Variants in STOX2 observed in about 807,000 individuals in gnomAD.
STOX2 encodes the protein storkhead-box protein 2.
Under a neutral mutation model 60.9 loss-of-function variants are expected in STOX2, and 28 were observed. The observed-to-expected ratio is 0.46, with a 90% CI of 0.34 to 0.63. The LOEUF (loss-of-function observed/expected upper bound fraction) is 0.63, where lower values mean the gene tolerates loss of function less well. Ranked by LOEUF, STOX2 falls within the 30% of genes least tolerant of loss-of-function variation. The pLI is 0.01. For synonymous variants in STOX2, 472 were observed against 463.9 expected, an observed-to-expected ratio of 1.02 and a Z score of -0.22; for missense variants, 1,024 against 1,187.7, an observed-to-expected ratio of 0.86 and a Z score of 2.03.
intron 1 of STOX2, among the ~76,000 whole-genome samples, chr4:183,887,430 A>G (rs983406020): frequency 1.3e-5 from 2 of 152,220 alleles, no homozygotes; most frequent in Non-Finnish European, 2.9e-5. Context: ...TTCCTTAGAA[A>G]GGAAACTCTT....
intron 1 of STOX2, among the ~76,000 whole-genome samples, chr4:183,989,497 C>T (rs902514206): frequency 6.6e-4 from 101 of 152,212 alleles, no homozygotes; most frequent in African/African-American, 1.7e-3. Context: ...CCACTGTGCC[C>T]GGCCTCGACA....
intron 1 of STOX2, among the ~76,000 whole-genome samples, chr4:183,878,537 A>G (rs983216305): frequency 2.0e-5 from 3 of 152,270 alleles, no homozygotes; most frequent in Admixed American, 6.5e-5. Flanking sequence ...ATTACAGACA[A>G]TAGCAAATTG....
intron 1 of STOX2, among the ~76,000 whole-genome samples, chr4:183,805,922 G>T (rs924257284): frequency 7.2e-5 from 11 of 152,216 alleles, no homozygotes; most frequent in Non-Finnish European, 1.3e-4. Flanking sequence ...AGTCAGGCTG[G>T]ACACTACCAA....
chr4:183,983,419 C>T (rs895260548), intron 1 of STOX2, among the ~76,000 whole-genome samples: 1 of 152,214 alleles, frequency 6.6e-6, no homozygotes, highest in Admixed American at 6.5e-5. Context: ...TAGGATCTCA[C>T]GTGCTGTGTT....
At chr4:183,951,041 C>A (rs1366004850) in intron 1 of STOX2, among the ~76,000 whole-genome samples, 1 of 151,836 alleles carries the variant, frequency 6.6e-6, no homozygotes, top group African/African-American at 2.4e-5. Flanking sequence ...CGGTGAAACC[C>A]CGTCTCTACT....
chr4:184,008,931 C>T (rs1218209384), intron 2 of STOX2, among the ~76,000 whole-genome samples: 1 of 152,198 alleles, frequency 6.6e-6, no homozygotes, highest in Non-Finnish European at 1.5e-5. Flanking sequence ...TAACTTCCAT[C>T]TCTGTCTTCC....
intron 1 of STOX2, among the ~76,000 whole-genome samples, chr4:183,851,924 A>G (rs201815976): frequency 9.3e-3 from 221 of 23,842 alleles, no homozygotes; most frequent in East Asian, 0.017. Context: ...AAAGGATGAG[A>G]GAAAGGATGA....
intron 1 of STOX2, among the ~76,000 whole-genome samples, chr4:183,922,914 T>A (rs984873102): frequency 1.3e-5 from 2 of 152,222 alleles, no homozygotes; most frequent in Non-Finnish European, 2.9e-5. Flanking sequence ...TTTATTTCAC[T>A]TAGCATATCA....
chr4:183,944,096 G>T (rs1017367608), intron 1 of STOX2, among the ~76,000 whole-genome samples: 7 of 152,220 alleles, frequency 4.6e-5, no homozygotes, highest in Admixed American at 4.6e-4. Context: ...TGTAGATAGA[G>T]AGAAGAGAAC....
In STOX2 at chr4:184,011,259, G is replaced by A; in HGVS notation, c.2421G>A (p.Glu807=). Residue 807 remains glutamate, a synonymous_variant, in exon 3 of 4, where the codon GAG becomes GAA. Transcript: ENST00000308497. This position sits in a 1 kb window ranked among gnomAD's most constrained non-coding sequence, Gnocchi z 4.4. Reference sequence around the variant, plus strand: ...TAGGCACCATGCAGTGGCTCCTCGAGCGGGAGAAGGAAAGAGACTTGCAGA... The same window carrying A: ...TAGGCACCATGCAGTGGCTCCTCGAACGGGAGAAGGAAAGAGACTTGCAGA... ...EDVGTMQWLL[E]REKERDLQRK... The A allele has an allele frequency of 1.2e-6, 2 of 1,613,734 alleles. No homozygotes were observed. Among genetic ancestry groups the A allele is most frequent in the Non-Finnish European group, 1.7e-6 (2 of 1,179,754 alleles).
chr4:183,858,597 A>AGAAGGAAG (rs146831784), intron 1 of STOX2, among the ~76,000 whole-genome samples: 41 of 152,086 alleles, frequency 2.7e-4, no homozygotes, highest in African/African-American at 8.2e-4. Context: ...AAAAAGAGAA[A>AGAAGGAAG]GAAGGAAGGA....
At chr4:183,927,538 T>C (rs7696821) in intron 1 of STOX2, among the ~76,000 whole-genome samples, 26,958 of 151,848 alleles carry the variant, frequency 0.18, 3,159 homozygotes, top group African/African-American at 0.34. Context: ...AAAGACTTAA[T>C]TGCCGGTAAT....
chr4:183,809,367 C>A (rs984558926), intron 1 of STOX2, among the ~76,000 whole-genome samples: 1 of 151,724 alleles, frequency 6.6e-6, no homozygotes, highest in Non-Finnish European at 1.5e-5. Context: ...GGATTACAGG[C>A]GTGAGCCACT....
chr4:183,951,162 C>T (rs1261899315), intron 1 of STOX2, among the ~76,000 whole-genome samples: 5 of 150,732 alleles, frequency 3.3e-5, no homozygotes, highest in Middle Eastern at 3.4e-3. Flanking sequence ...TTGCAGTGAG[C>T]CGAGATCGCG....
chr4:183,804,369 C>T (rs1738836464), intron 1 of STOX2, among the ~76,000 whole-genome samples: 1 of 152,166 alleles, frequency 6.6e-6, no homozygotes, highest in Non-Finnish European at 1.5e-5. Context: ...CACCAACCAG[C>T]AATGACAGAG....
chr4:183,956,362 TTCTA>T (rs57987067), intron 1 of STOX2, among the ~76,000 whole-genome samples: 45,269 of 149,002 alleles, frequency 0.3, 7,097 homozygotes, highest in East Asian at 0.37. Context: ...GCTGCATTTG[TTCTA>T]TCTATCTATC....
At chr4:183,819,272 C>T (rs562321012) in intron 1 of STOX2, among the ~76,000 whole-genome samples, 18 of 152,178 alleles carry the variant, frequency 1.2e-4, no homozygotes, top group Admixed American at 4.6e-4. Flanking sequence ...ACTGAGTGAA[C>T]GAGACTCCAT....
chr4:183,903,850 G>T (rs973556186), upstream of STOX2, among the ~76,000 whole-genome samples: 4 of 152,186 alleles, frequency 2.6e-5, no homozygotes. Context: ...CTGGGGTGGG[G>T]GTAGGGTTGG....
Position 184,001,415 on chromosome 4 carries a change from A to T in STOX2, c.257A>T (p.Asn86Ile), listed in dbSNP as rs1465845063. 6.2e-7 allele frequency: 1 copy of T among 1,613,810 alleles called. No individual in the cohort carries two copies. Among genetic ancestry groups the T allele is most frequent in the Non-Finnish European group, 8.5e-7 (1 of 1,179,870 alleles). ...CTCTGCTTGGCCATCTCAGCAATGA[A>T]CTCGGCAAGAAAGCCTGTCACCCAA... ...EILCLAISAM[N>I]SARKPVTQEA... The change falls in exon 2 of 4, where the codon AAC becomes ATC. Residue 86 changes from asparagine to isoleucine, a missense_variant. Physicochemically the swap from Asn to Ile is moderately radical, Grantham distance 149. Coordinates refer to ENST00000308497, the MANE Select transcript of STOX2 (RefSeq NM_020225.3). This position sits in a 1 kb window ranked among gnomAD's most constrained non-coding sequence, Gnocchi z 4.2.
Sources: allele counts gnomAD v4.1 joint callset (sites outside exome capture counted in the v4.1 genomes callset), GRCh38; gene constraint gnomAD v4.1.1; non-coding constraint Gnocchi (gnomAD v3.1); transcripts MANE v1.5; gene names NCBI Gene and HGNC (gene_info 2026-07-23, HGNC 2026-07-21).